The following ATM variants were observed in gnomAD, a reference collection of about 807,000 sequenced individuals.
The protein encoded by ATM is serine-protein kinase ATM.
Under a neutral mutation model 387.0 loss-of-function variants are expected in ATM, and 308 were observed. The observed-to-expected ratio is 0.80, with a 90% CI of 0.73 to 0.87. The LOEUF (loss-of-function observed/expected upper bound fraction) is 0.87, where lower values mean the gene tolerates loss of function less well. Ranked by LOEUF, ATM falls within the 40% of genes least tolerant of loss-of-function variation. The pLI, the probability that ATM is intolerant of heterozygous loss-of-function variation, is 0.00. For missense variants in ATM, 3,312 were observed against 3,560.9 expected, an observed-to-expected ratio of 0.93 and a Z score of 1.78; for synonymous variants, 1,156 against 1,187.3, an observed-to-expected ratio of 0.97 and a Z score of 0.54.
rs3092859 is a variant in ATM, at chr11:108,272,604, T to C, written c.3150T>C (p.Leu1050=). 1,297 of 1,613,698 alleles carry C rather than the reference T, an allele frequency of 8.0e-4. 11 individuals are homozygous for C. The highest frequency in any genetic ancestry group is 5.3e-3 in the South Asian group (483 of 91,068). The part of the protein sequence containing the change: ...MALVNCLKTL[L]EADPYSKWAI... ...TAGTAAATTGCCTTAAAACTTTGCT[T>C]GAGGTGAGTTTTTGCATTTTTTTAG... Residue 1050 remains leucine, a synonymous_variant, in exon 21 of 63, where the codon CTT becomes CTC. Transcript: ENST00000675843.
At chr11:108,228,494 G>A (rs1265046845) in intron 3 of ATM, among the ~76,000 whole-genome samples, 1 of 152,150 alleles carries the variant, frequency 6.6e-6, no homozygotes, top group African/African-American at 2.4e-5. Flanking sequence ...TAAATACTGA[G>A]AGTATTAAAT....
At chr11:108,277,700 G>T (rs970463019) in intron 22 of ATM, among the ~76,000 whole-genome samples, 1 of 152,146 alleles carries the variant, frequency 6.6e-6, no homozygotes, top group Non-Finnish European at 1.5e-5. Flanking sequence ...CTCTCCCTCC[G>T]TGGGCTGCAC....
chr11:108,359,392 T>G (rs878899288), intron 61 of ATM, among the ~76,000 whole-genome samples: 1 of 151,766 alleles, frequency 6.6e-6, no homozygotes, highest in Non-Finnish European at 1.5e-5. Context: ...ATCAACGAGA[T>G]AAAAAGTCAA....
chr11:108,325,578 C>T (rs770271751), intron 46 of ATM, 34 bp downstream of exon 46: 2 of 1,505,588 alleles, frequency 1.3e-6, no homozygotes, highest in Non-Finnish European at 1.8e-6. Flanking sequence ...CATCTTACCT[C>T]TTGACTTTCC....
chr11:108,246,973 A>T lies in ATM; in HGVS notation c.911A>T (p.Glu304Val), dbSNP rs2135264712. The change falls in exon 8 of 63, where the codon GAA becomes GTA. Residue 304 changes from glutamate (E) to valine (V), a missense_variant. Transcript: ENST00000675843. ...ATTTTTTGGATTACAGGTGCTTATG[A>T]ATCAACAAAATGGAGAAGTATTTTA... ...GAKTQEKGAYESTKWRSILYN... is the reference protein window; with the variant it reads ...GAKTQEKGAYVSTKWRSILYN... The T allele has an allele frequency of 6.2e-7, 1 of 1,610,422 alleles. No homozygotes were observed. The highest frequency in any genetic ancestry group is 8.5e-7 in the Non-Finnish European group (1 of 1,177,768).
chr11:108,290,033 G>GT (rs1373153282), intron 29 of ATM: 12 of 425,892 alleles, frequency 2.8e-5, no homozygotes, highest in South Asian at 8.7e-5. Flanking sequence ...AATTTTTTGT[G>GT]TTTTTTGTAG....
chr11:108,247,102 A>T lies in ATM; in HGVS notation c.1040A>T (p.Glu347Val), dbSNP rs550825251. Residue 347 changes from glutamate (E) to valine (V), a missense_variant, in exon 8 of 63, where the codon GAA (glutamate) becomes GTA (valine). Physicochemically the swap from Glu to Val is moderately radical, Grantham distance 121 (BLOSUM62 -2). Coordinates refer to ENST00000675843, the MANE Select transcript of ATM (RefSeq NM_000051.4). ...ATTGCCGTCAAAGAAAATTTGATTG[A>T]ATTGATGGCAGATATCTGTCACCAG... is the stretch of plus-strand genomic sequence containing the variant. ...RNIAVKENLIELMADICHQVF... is the reference protein window; with the variant it reads ...RNIAVKENLIVLMADICHQVF... 1.9e-6 allele frequency: 3 copies of T among 1,613,870 alleles called. No homozygotes were observed. In the Admixed American group the frequency reaches 5.0e-5, roughly 27 times the overall value.
At chr11:108,302,410 T>G (rs1228740972) in intron 35 of ATM, among the ~76,000 whole-genome samples, 1 of 152,170 alleles carries the variant, frequency 6.6e-6, no homozygotes, top group Non-Finnish European at 1.5e-5. Context: ...CAGTGCATCA[T>G]AAATATAATT....
intron 8 of ATM, among the ~76,000 whole-genome samples, chr11:108,248,499 T>C (rs2079962808): frequency 6.6e-6 from 1 of 152,218 alleles, no homozygotes; most frequent in Non-Finnish European, 1.5e-5. Context: ...TATGTTTCTG[T>C]AATGTATTAC....
intron 52 of ATM, 72 bp from the exon 53 acceptor site, chr11:108,332,690 T>C: frequency 6.6e-7 from 1 of 1,507,908 alleles, no homozygotes; most frequent in Non-Finnish European, 9.0e-7. Flanking sequence ...TTTTTCTCTT[T>C]GTTTTTCTAA....
chr11:108,284,770 A>C (rs778576892), intron 26 of ATM, among the ~76,000 whole-genome samples: 2 of 152,184 alleles, frequency 1.3e-5, no homozygotes, highest in African/African-American at 4.8e-5. Context: ...ACGAATGCAA[A>C]CTGGTTGTTA....
At chr11:108,362,244 A>G (rs1425155339) in intron 61 of ATM, among the ~76,000 whole-genome samples, 2 of 149,078 alleles carry the variant, frequency 1.3e-5, no homozygotes, top group African/African-American at 2.4e-5. Context: ...CAAAACCACA[A>G]TGAGATACCA....
rs565686569 is a variant in ATM, at chr11:108,356,555, A to C, written c.8850+1681A>C. On this transcript the variant is annotated intron_variant, in intron 61 of 62. Transcript: ENST00000675843. ...CTGTCTGTCTTAAAAAAAAAAAAAA[A>C]AAAAAGCCCAAACTTTTCAAATTAA... Among the ~76,000 whole-genome samples the C allele has an allele frequency of 2.7e-3, 410 of 151,938 alleles. 1 individual carries two copies. Among genetic ancestry groups the C allele is most frequent in the African/African-American group, 9.6e-3 (398 of 41,462 alleles).
intron 50 of ATM, 66 bp from the exon 51 acceptor site, chr11:108,331,378 T>C: frequency 1.3e-6 from 2 of 1,561,990 alleles, no homozygotes; most frequent in East Asian, 2.4e-5. Context: ...AATAACTTAC[T>C]TGCTTAGATG....
chr11:108,235,969 G>A, intron 5 of ATM, 135 bp downstream of exon 5: 2 of 935,346 alleles, frequency 2.1e-6, no homozygotes, highest in South Asian at 1.4e-5. Flanking sequence ...AAATTATATG[G>A]TTATCGAACT....
intron 53 of ATM, among the ~76,000 whole-genome samples, chr11:108,333,628 G>A (rs117855775): frequency 6.6e-6 from 1 of 152,310 alleles, no homozygotes; most frequent in Non-Finnish European, 1.5e-5. Flanking sequence ...AAGATGTTTA[G>A]TCTGGTTCCT....
At position 108,367,442 on chromosome 11, in the gene ATM, A is replaced by T. The variant is rs2091392448; in HGVS notation, c.*1934A>T. 2 of 201,338 alleles carry T rather than the reference A, an allele frequency of 9.9e-6. No homozygotes were observed. The highest frequency in any genetic ancestry group is 1.5e-4 in the East Asian group (2 of 12,922). The allele number at this position is 201,338 out of a possible 1,614,324, so 12.5% of individuals were successfully genotyped here. ...TAGTTTGATACATAGGTAGAAGTGGAACATTTCTCTGTCCCCCAGCTGTCA... is the reference window on the plus strand; with the variant it reads ...TAGTTTGATACATAGGTAGAAGTGGTACATTTCTCTGTCCCCCAGCTGTCA... On this transcript the variant is annotated 3_prime_UTR_variant, in exon 63 of 63. Transcript: ENST00000675843.
intron 16 of ATM, among the ~76,000 whole-genome samples, chr11:108,262,958 C>A (rs892577286): frequency 3.4e-4 from 52 of 151,692 alleles, no homozygotes; most frequent in East Asian, 2.3e-3. Context: ...TATGCACCCA[C>A]TACAGGAGCA....
chr11:108,356,784 G>A lies in ATM; in HGVS notation c.8850+1910G>A, dbSNP rs558395489. On this transcript the variant is annotated intron_variant, in intron 61 of 62. Coordinates refer to ENST00000675843, the MANE Select transcript of ATM (RefSeq NM_000051.4). ...CTGCTTATGGACTTCACTTTTTAGA[G>A]TAGTAGGAGATCAAATGAGAGAAGT... is the stretch of plus-strand genomic sequence containing the variant. 7.9e-5 allele frequency among the ~76,000 whole-genome samples: 12 copies of A among 152,242 alleles called. No homozygotes were observed. In the South Asian group the frequency reaches 2.5e-3, roughly 32 times the overall value.
Sources: gnomAD v4.1 joint callset for allele counts (sites outside exome capture counted in the v4.1 genomes callset) on GRCh38, gnomAD v4.1.1 for gene constraint, MANE v1.5 for transcripts, NCBI Gene and HGNC (gene_info 2026-07-23, HGNC 2026-07-21) for gene names.